SHB: variants seen among roughly 807,000 people sequenced by gnomAD.
SHB encodes SH2 domain-containing adapter protein B.
A neutral mutation model predicts 52.3 loss-of-function variants in SHB; 20 were observed. That is an observed-to-expected ratio of 0.38 (90% CI 0.27 to 0.56). The LOEUF (loss-of-function observed/expected upper bound fraction) is 0.56. Among genes scored for constraint, SHB ranks in the 20% least tolerant of loss-of-function variants. The pLI is 0.71. For synonymous variants in SHB, 397 were observed against 316.5 expected (o/e 1.25, Z -2.70); for missense variants, 825 against 723.3 (o/e 1.14, Z -1.61).
intron 1 of SHB, among the ~76,000 whole-genome samples, chr9:38,043,680 G>A (rs1201872181): frequency 1.3e-5 from 2 of 152,038 alleles, no homozygotes; most frequent in African/African-American, 2.4e-5. Flanking sequence ...ACCTGAGGTC[G>A]GGAGTTTGAG....
intron 1 of SHB, among the ~76,000 whole-genome samples, chr9:38,044,385 T>C (rs558287520): frequency 5.5e-4 from 84 of 152,324 alleles, no homozygotes; most frequent in African/African-American, 1.9e-3. Flanking sequence ...AATTCATTTA[T>C]TCATCTATAA....
chr9:38,046,073 G>A (rs1390126052), intron 1 of SHB, among the ~76,000 whole-genome samples: 6 of 151,362 alleles, frequency 4.0e-5, no homozygotes, highest in African/African-American at 1.5e-4. Flanking sequence ...CTAAAAATAC[G>A]AAAATTAGCC....
rs571734075 is a variant in SHB, at chr9:37,916,356, G to A, written c.*3465C>T. On this transcript the variant is annotated 3_prime_UTR_variant, in exon 6 of 6. Transcript: ENST00000377707. Reference sequence around the variant, plus strand: ...TTCTACCTGCACAGTCCCTAGGGCTGCAAGAGCAAATGGGGACCCTGGCTG... The same window carrying A: ...TTCTACCTGCACAGTCCCTAGGGCTACAAGAGCAAATGGGGACCCTGGCTG... Among the ~76,000 whole-genome samples the A allele has an allele frequency of 2.0e-5, 3 of 152,370 alleles. No homozygotes were observed. The highest frequency in any genetic ancestry group is 2.1e-4 in the South Asian group (1 of 4,834).
At chr9:37,944,503 A>G (rs1564084619) in intron 5 of SHB, among the ~76,000 whole-genome samples, 1 of 152,146 alleles carries the variant, frequency 6.6e-6, no homozygotes, top group East Asian at 1.9e-4. Context: ...ACTGAGTGTA[A>G]GGAATGCCGG....
intron 2 of SHB, among the ~76,000 whole-genome samples, chr9:37,998,407 G>A (rs1820975381): frequency 1.3e-5 from 2 of 152,180 alleles, no homozygotes. Flanking sequence ...TGCATCGCCT[G>A]TTTTCAAATC....
intron 5 of SHB, among the ~76,000 whole-genome samples, chr9:37,925,164 G>T (rs1832233235): frequency 6.6e-6 from 1 of 152,202 alleles, no homozygotes; most frequent in South Asian, 2.1e-4. Context: ...GCCCACCAGG[G>T]TCTGCCCAGA....
intron 1 of SHB, among the ~76,000 whole-genome samples, chr9:38,044,100 T>C (rs1482093788): frequency 1.3e-5 from 2 of 152,288 alleles, no homozygotes; most frequent in East Asian, 3.9e-4. Context: ...AGGAGGCCGG[T>C]GGCCAACTGG....
At position 37,955,971 on chromosome 9, in the gene SHB, C is replaced by T. The variant is rs137873117; in HGVS notation, c.1138G>A (p.Gly380Ser). ...CTCCCATGTTTGATAGGCTTAAAGC[C>T]CCCTCCAGGGGCACGAAGCTGGCGC... ...RRRQLRAPGG[G>S]FKPIKHGSPE... Residue 380 changes from glycine to serine, a missense_variant, in exon 4 of 6, where the codon GGC becomes AGC. Transcript: ENST00000377707. 2 of 1,609,808 alleles carry T rather than the reference C, an allele frequency of 1.2e-6. No individual in the cohort carries two copies. Among genetic ancestry groups the T allele is most frequent in the African/African-American group, 2.7e-5 (2 of 74,912 alleles).
At chr9:37,938,213 C>T (rs1032759264) in intron 5 of SHB, among the ~76,000 whole-genome samples, 2 of 152,206 alleles carry the variant, frequency 1.3e-5, no homozygotes, top group Non-Finnish European at 2.9e-5. Flanking sequence ...GGCCTCAGGG[C>T]TCAGAGGCTG....
chr9:38,051,703 A>C (rs1002327588), intron 1 of SHB, among the ~76,000 whole-genome samples: 3 of 152,198 alleles, frequency 2.0e-5, no homozygotes, highest in Non-Finnish European at 2.9e-5. Context: ...AAGCCCGGCA[A>C]GCAGGAGCTG....
rs1321315859 is a variant in SHB at position 37,944,788 on chromosome 9, T to C, written c.1346+3847A>G. Among the ~76,000 whole-genome samples, 3 of 152,120 alleles carry C rather than the reference T, an allele frequency of 2.0e-5. No homozygotes were observed. The East Asian group carries it at 5.8e-4, about 29-fold the overall frequency. ...TCTACCTGAGCTGCCCTGCTAGCCG[T>C]CCCTGTCTGGGGAACACCTGCCTTC... On this transcript the variant is annotated intron_variant, in intron 5 of 5. Transcript: ENST00000377707.
rs940296418 is a variant in SHB, at chr9:37,917,937, C to T, written c.*1884G>A. Among the ~76,000 whole-genome samples the T allele has an allele frequency of 2.6e-5, 4 of 152,210 alleles. No homozygotes were observed. Among genetic ancestry groups the T allele is most frequent in the South Asian group, 2.1e-4 (1 of 4,834 alleles). On this transcript the variant is annotated 3_prime_UTR_variant, in exon 6 of 6. Transcript: ENST00000377707. ...ACCAAGGGCAGGGCTTTGCACAAAC[C>T]GCTGAAGTCCACGCAGCTACCTAAA...
chr9:37,978,343 A>T (rs754310695), intron 2 of SHB, among the ~76,000 whole-genome samples: 5 of 152,216 alleles, frequency 3.3e-5, no homozygotes, highest in Non-Finnish European at 7.3e-5. Context: ...AGGGGATGTT[A>T]TAACGGTAAT....
intron 5 of SHB, among the ~76,000 whole-genome samples, chr9:37,947,283 C>A (rs1273132705): frequency 1.3e-5 from 2 of 152,204 alleles, no homozygotes; most frequent in Non-Finnish European, 2.9e-5. Flanking sequence ...AGGCAGTGGT[C>A]CAGCCTTTGG....
chr9:37,933,503 A>C (rs893684384), intron 5 of SHB, among the ~76,000 whole-genome samples: 3 of 152,178 alleles, frequency 2.0e-5, no homozygotes, highest in African/African-American at 7.2e-5. Flanking sequence ...GTTTTTAAAA[A>C]ATAGAGTTTA....
intron 1 of SHB, among the ~76,000 whole-genome samples, chr9:38,032,855 T>C (rs1197089764): frequency 1.3e-5 from 2 of 152,158 alleles, no homozygotes; most frequent in Non-Finnish European, 2.9e-5. Flanking sequence ...CCTCTGCACA[T>C]GGAAGCATAC....
intron 1 of SHB, among the ~76,000 whole-genome samples, chr9:38,035,663 C>A (rs1396542109): frequency 6.6e-6 from 1 of 152,086 alleles, no homozygotes; most frequent in East Asian, 1.9e-4. Context: ...TCAGTGTCTA[C>A]CTTCCATGAG....
chr9:38,053,403 A>C (rs1225056529), intron 1 of SHB, among the ~76,000 whole-genome samples: 1 of 152,074 alleles, frequency 6.6e-6, no homozygotes, highest in Non-Finnish European at 1.5e-5. Flanking sequence ...ACGCCCAGCT[A>C]ATTTTTTGTA....
chr9:37,971,808 A>T (rs549476266), intron 3 of SHB, among the ~76,000 whole-genome samples: 5 of 152,288 alleles, frequency 3.3e-5, no homozygotes, highest in Non-Finnish European at 5.9e-5. Context: ...AGACCTTATG[A>T]TCCTTTGTGA....
Sources: gnomAD v4.1 joint callset for allele counts (sites outside exome capture counted in the v4.1 genomes callset) on GRCh38, gnomAD v4.1.1 for gene constraint, MANE v1.5 for transcripts, NCBI Gene and HGNC (gene_info 2026-07-23, HGNC 2026-07-21) for gene names.